The following SLC14A2 variants were observed in gnomAD, a reference collection of about 807,000 sequenced individuals.
The protein encoded by SLC14A2 is solute carrier family 14 member 2, also known as urea transporter 2.
Under a neutral mutation model 104.6 loss-of-function variants are expected in SLC14A2, and 91 were observed. The ratio of observed to expected loss-of-function variants is 0.87; its 90% CI spans 0.73 to 1.04. The LOEUF is 1.04. Ranked by LOEUF, SLC14A2 falls within the 50% of genes least tolerant of loss-of-function variation. The pLI, the probability that SLC14A2 is intolerant of heterozygous loss-of-function variation, is 0.00. For synonymous variants in SLC14A2, 476 were observed against 466.4 expected, an observed-to-expected ratio of 1.02 and a Z score of -0.27; for missense variants, 1,189 against 1,156.0, an observed-to-expected ratio of 1.03 and a Z score of -0.41.
intron 2 of SLC14A2, among the ~76,000 whole-genome samples, chr18:45,515,956 C>G (rs1029686134): frequency 6.6e-6 from 1 of 152,220 alleles, no homozygotes; most frequent in Admixed American, 6.5e-5. Context: ...ATAGGAATTA[C>G]TAACTGTAAG....
intron 1 of SLC14A2, among the ~76,000 whole-genome samples, chr18:45,419,693 G>C (rs978009132): frequency 1.3e-5 from 2 of 151,250 alleles, no homozygotes; most frequent in African/African-American, 4.9e-5. Flanking sequence ...AGAATTACTT[G>C]ATCCCAGGAG....
intron 1 of SLC14A2, among the ~76,000 whole-genome samples, chr18:45,383,549 T>C (rs1049011033): frequency 2.0e-5 from 3 of 152,212 alleles, no homozygotes; most frequent in Non-Finnish European, 4.4e-5. Flanking sequence ...GGTTTTCTGA[T>C]AGCCCTCAAC....
At position 45,228,756 on chromosome 18, in the gene SLC14A2, G is replaced by A. The variant is rs116912536; in HGVS notation, c.-125+15565G>A. Reference sequence around the variant, plus strand: ...TCATCATATCCTGATGTAAAATGCCGCTCGTCACCATTTTCCTTAAGAAAG... The same window carrying A: ...TCATCATATCCTGATGTAAAATGCCACTCGTCACCATTTTCCTTAAGAAAG... On this transcript the variant is annotated intron_variant, in intron 1 of 20. Coordinates refer to the SLC14A2 transcript ENST00000586448. Among the ~76,000 whole-genome samples the A allele has an allele frequency of 6.6e-3, 1,006 of 152,168 alleles. 11 individuals carry two copies. The highest frequency in any genetic ancestry group is 0.011 in the Non-Finnish European group (723 of 68,000).
chr18:45,674,219 G>T (rs897475401), intron 18 of SLC14A2, among the ~76,000 whole-genome samples: 1 of 152,154 alleles, frequency 6.6e-6, no homozygotes, highest in African/African-American at 2.4e-5. Context: ...TGGTAGATTT[G>T]TATGTCCTCA....
chr18:45,218,384 A>G (rs539345563), intron 1 of SLC14A2, among the ~76,000 whole-genome samples: 110 of 152,352 alleles, frequency 7.2e-4, no homozygotes, highest in African/African-American at 2.6e-3. Flanking sequence ...TTGTATGCAT[A>G]GGCCACATTT....
rs2085957036 is a variant in SLC14A2 at position 45,391,099 on chromosome 18, G to A, written c.-124-92134G>A. ...CCCCCCTCCACCCACCCCACAACAG[G>A]CCCTGGTGTGTGATGTTCCCCTTCC... is the stretch of plus-strand genomic sequence containing the variant. On this transcript the variant is annotated intron_variant, in intron 1 of 20. Transcript: ENST00000586448. Among the ~76,000 whole-genome samples the A allele has an allele frequency of 2.6e-5, 4 of 151,986 alleles. No individual in the cohort carries two copies. In the South Asian group the frequency reaches 8.3e-4, roughly 32 times the overall value.
intron 7 of SLC14A2, among the ~76,000 whole-genome samples, chr18:45,640,153 A>G (rs1465232257): frequency 6.6e-6 from 1 of 152,064 alleles, no homozygotes; most frequent in Non-Finnish European, 1.5e-5. Context: ...GTGGGCACCC[A>G]TAATCCCAGC....
At chr18:45,456,498 G>A (rs1355299129) in intron 1 of SLC14A2, among the ~76,000 whole-genome samples, 1 of 152,176 alleles carries the variant, frequency 6.6e-6, no homozygotes, top group Admixed American at 6.5e-5. Flanking sequence ...TCAGTAAGGT[G>A]GCTGCATGTC....
intron 2 of SLC14A2, among the ~76,000 whole-genome samples, chr18:45,606,745 A>C (rs895240611): frequency 2.6e-5 from 2 of 75,724 alleles, no homozygotes; most frequent in East Asian, 3.8e-4. Context: ...AAAAAAAAAA[A>C]AACAAAACAA....
rs562899268 is a variant in SLC14A2, at chr18:45,239,099, C to A, written c.-125+25908C>A. 9.8e-5 allele frequency among the ~76,000 whole-genome samples: 15 copies of A among 152,308 alleles called. No individual in the cohort carries two copies. The East Asian group carries it at 2.1e-3, about 22-fold the overall frequency. ...TACCGGGAATGTTGGCCAATGACTTCTTTCTTCCTTTTCTAGAGTAATACC... is the reference window on the plus strand; with the variant it reads ...TACCGGGAATGTTGGCCAATGACTTATTTCTTCCTTTTCTAGAGTAATACC... On this transcript the variant is annotated intron_variant, in intron 1 of 20. Coordinates refer to the SLC14A2 transcript ENST00000586448.
chr18:45,199,233 G>A, the SLC14A2 span, among the ~76,000 whole-genome samples: 47 of 152,174 alleles, frequency 3.1e-4, no homozygotes, highest in African/African-American at 1.1e-3. Context: ...TCCTTCTGCT[G>A]TGTGTACACA....
chr18:45,208,606 C>T (rs768815840), upstream of SLC14A2, among the ~76,000 whole-genome samples: 4 of 152,100 alleles, frequency 2.6e-5, no homozygotes, highest in Admixed American at 6.5e-5. Context: ...GAGTAAGCCT[C>T]GTTAGTTAAA....
intron 1 of SLC14A2, among the ~76,000 whole-genome samples, chr18:45,274,291 G>A (rs1010218091): frequency 1.3e-5 from 2 of 152,112 alleles, no homozygotes; most frequent in Non-Finnish European, 2.9e-5. Flanking sequence ...TAAACATCTG[G>A]CTGAATGAGA....
At chr18:45,384,761 G>A (rs2085876537) in intron 1 of SLC14A2, among the ~76,000 whole-genome samples, 1 of 152,164 alleles carries the variant, frequency 6.6e-6, no homozygotes, top group African/African-American at 2.4e-5. Context: ...CAAAAAAACT[G>A]AGGACCCAGG....
chr18:45,405,165 C>T (rs915593562), intron 1 of SLC14A2, among the ~76,000 whole-genome samples: 1 of 152,124 alleles, frequency 6.6e-6, no homozygotes, highest in African/African-American at 2.4e-5. Flanking sequence ...GAACACTCCC[C>T]AGGGCAGGAG....
At chr18:45,667,228 C>A in intron 13 of SLC14A2, 134 bp downstream of exon 13, 1 of 653,414 alleles carries the variant, frequency 1.5e-6, no homozygotes. Context: ...TGTGGTCTTT[C>A]CTGGAAGCTG....
At chr18:45,419,733 C>A (rs973551628) in intron 1 of SLC14A2, among the ~76,000 whole-genome samples, 4 of 151,334 alleles carry the variant, frequency 2.6e-5, no homozygotes, top group Non-Finnish European at 5.9e-5. Context: ...GAGATCACAC[C>A]ACTGCACTCC....
chr18:45,176,600 G>A, the SLC14A2 span, among the ~76,000 whole-genome samples: 1 of 152,122 alleles, frequency 6.6e-6, no homozygotes, highest in African/African-American at 2.4e-5. Context: ...AGGAAAGAAA[G>A]GCTAAAGCTA....
At position 45,380,514 on chromosome 18, in the gene SLC14A2, C is replaced by T. The variant is rs113459806; in HGVS notation, c.-124-102719C>T. On this transcript the variant is annotated intron_variant, in intron 1 of 20. Coordinates refer to the SLC14A2 transcript ENST00000586448. Reference sequence around the variant, plus strand: ...AAAGTAGAGACAAGTCTATGATTGGCAATCTCAATAAATTATTTCTATAGT... The same window carrying T: ...AAAGTAGAGACAAGTCTATGATTGGTAATCTCAATAAATTATTTCTATAGT... Among the ~76,000 whole-genome samples, 423 of 152,234 alleles carry T rather than the reference C, an allele frequency of 2.8e-3. 1 individual carries two copies. Among genetic ancestry groups the T allele is most frequent in the African/African-American group, 9.6e-3 (398 of 41,540 alleles).
Sources: allele counts gnomAD v4.1 joint callset (sites outside exome capture counted in the v4.1 genomes callset), GRCh38; gene constraint gnomAD v4.1.1; transcripts MANE v1.5; gene names NCBI Gene and HGNC (gene_info 2026-07-23, HGNC 2026-07-21).